The following ZNF529 variants were observed in gnomAD, a reference collection of about 807,000 sequenced individuals.
ZNF529 encodes zinc finger protein 529.
In ZNF529, 11 loss-of-function variants were observed where a neutral mutation model predicts 10.1. That is an observed-to-expected ratio of 1.09 (90% CI 0.69 to 1.81). ZNF529 has a LOEUF of 1.81. ZNF529 is among the 40% of genes most tolerant of loss of function. ZNF529 has a pLI of 0.00. For synonymous variants in ZNF529, 204 were observed against 215.7 expected, an observed-to-expected ratio of 0.95 and a Z score of 0.47; for missense variants, 624 against 666.8, an observed-to-expected ratio of 0.94 and a Z score of 0.71.
chr19:36,551,376 AAATCACCATAAGAAACATGGTATCAGT>A (rs1365679075), intron 4 of ZNF529, among the ~76,000 whole-genome samples: 1 of 152,204 alleles, frequency 6.6e-6, no homozygotes, highest in East Asian at 1.9e-4. Flanking sequence ...AAGCACACAG[AAATCACCATAAGAAACATGGTATCAGT>A]ATATCAAAAT....
chr19:36,594,606 A>C (rs1600369158), intron 1 of ZNF529: 1 of 152,538 alleles, frequency 6.6e-6, no homozygotes, highest in Non-Finnish European at 1.5e-5. Flanking sequence ...TCCGACTCCC[A>C]ACCTCCAAGC....
At chr19:36,600,206 A>C (rs1377886566) in intron 1 of ZNF529, among the ~76,000 whole-genome samples, 1 of 152,278 alleles carries the variant, frequency 6.6e-6, no homozygotes, top group African/African-American at 2.4e-5. Flanking sequence ...TCATCAATGT[A>C]CTGAGACATT....
At chr19:36,571,614 GC>G (rs2036113092) in intron 2 of ZNF529, among the ~76,000 whole-genome samples, 1 of 150,710 alleles carries the variant, frequency 6.6e-6, no homozygotes, top group Non-Finnish European at 1.5e-5. Flanking sequence ...GGCAGAGGTT[GC>G]AGTGAACTGA....
intron 4 of ZNF529, 117 bp downstream of exon 4, chr19:36,554,553 G>A: frequency 2.3e-6 from 2 of 878,198 alleles, no homozygotes. Flanking sequence ...ACTCCAACCT[G>A]GGTGACAGAG....
chr19:36,586,991 G>A (rs1265912502), intron 2 of ZNF529, among the ~76,000 whole-genome samples: 11 of 152,342 alleles, frequency 7.2e-5, no homozygotes, highest in East Asian at 3.9e-4. Flanking sequence ...GTGGCTGGGC[G>A]TGGTGGCTCA....
At chr19:36,573,613 G>A (rs570483952), upstream of ZNF529, 835 of 398,290 alleles carry the variant, frequency 2.1e-3, 3 homozygotes, top group Admixed American at 3.4e-3. Flanking sequence ...TGGGGGAGGT[G>A]GGGGGCCGCG....
At chr19:36,594,672 T>G (rs565361631) in intron 1 of ZNF529, 1 of 152,342 alleles carries the variant, frequency 6.6e-6, no homozygotes, top group East Asian at 1.9e-4. Flanking sequence ...TGCTCTAATA[T>G]GCAGATTCAT....
Position 36,556,192 on chromosome 19 carries a change from A to G in ZNF529, c.20T>C (p.Ile7Thr), listed in dbSNP as rs546079791. The change falls in exon 3 of 5, where the codon ATT becomes ACT. Residue 7 changes from isoleucine to threonine, a missense_variant. Physicochemically the swap from Ile to Thr is moderately conservative, Grantham distance 89. Coordinates refer to ENST00000591340, the MANE Select transcript of ZNF529 (RefSeq NM_020951.5). ...AGGAGCTCCATGGACATGATCCCCA[A>G]TGAAACTGTAAAAATTATTTTTTAA... MANSSF[I>T]GDHVHGAPHA... 4.1e-5 allele frequency: 45 copies of G among 1,107,136 alleles called. No individual in the cohort carries two copies. The highest frequency in any genetic ancestry group is 1.3e-4 in the South Asian group (10 of 75,110). The allele number at this position is 1,107,136 out of a possible 1,614,324, so 68.6% of individuals were successfully genotyped here.
chr19:36,555,893 T>G (rs2035450016), intron 3 of ZNF529, among the ~76,000 whole-genome samples: 1 of 152,156 alleles, frequency 6.6e-6, no homozygotes, highest in African/African-American at 2.4e-5. Context: ...TTGCTTTATA[T>G]CTGCTCTTGA....
intron 1 of ZNF529, among the ~76,000 whole-genome samples, chr19:36,590,400 T>C (rs749098004): frequency 2.6e-5 from 4 of 151,904 alleles, no homozygotes; most frequent in Non-Finnish European, 5.9e-5. Flanking sequence ...AATACATAAA[T>C]AAATAAAAAG....
chr19:36,578,168 G>A (rs1199781166), upstream of ZNF529, among the ~76,000 whole-genome samples: 3 of 143,880 alleles, frequency 2.1e-5, no homozygotes, highest in Admixed American at 7.1e-5. Flanking sequence ...AGGTTCAAGC[G>A]ATCCTCCTGC....
chr19:36,593,857 C>A (rs1482676016), intron 1 of ZNF529: 1 of 152,160 alleles, frequency 6.6e-6, no homozygotes, highest in Non-Finnish European at 1.5e-5. Flanking sequence ...AGCACTGAGA[C>A]CACAGAGGCA....
At chr19:36,567,833 C>CT (rs1216065233) in intron 2 of ZNF529, among the ~76,000 whole-genome samples, 1 of 152,072 alleles carries the variant, frequency 6.6e-6, no homozygotes, top group African/African-American at 2.4e-5. Context: ...AAACTAAAAG[C>CT]TTTTGTGCAT....
intron 1 of ZNF529, among the ~76,000 whole-genome samples, chr19:36,593,319 G>T: frequency 6.6e-6 from 1 of 152,096 alleles, no homozygotes; most frequent in East Asian, 1.9e-4. Flanking sequence ...GGGACTACAG[G>T]CATGCGCCAC....
chr19:36,587,340 A>G (rs941332977), intron 2 of ZNF529: 1 of 152,148 alleles, frequency 6.6e-6, no homozygotes, highest in African/African-American at 2.4e-5. Context: ...TACACCTACT[A>G]CGATGGCTAT....
chr19:36,593,150 T>C (rs1275494397), intron 1 of ZNF529, among the ~76,000 whole-genome samples: 2 of 152,144 alleles, frequency 1.3e-5, no homozygotes, highest in African/African-American at 4.8e-5. Flanking sequence ...ATGACTCAAG[T>C]ATTTACTTAA....
chr19:36,567,585 G>A (rs1478641490), intron 2 of ZNF529, among the ~76,000 whole-genome samples: 2 of 152,068 alleles, frequency 1.3e-5, no homozygotes, highest in Non-Finnish European at 2.9e-5. Context: ...GGGATTACAG[G>A]TGCCTGCCAC....
At chr19:36,555,326 G>T (rs2035426034) in intron 3 of ZNF529, among the ~76,000 whole-genome samples, 1 of 24,480 alleles carries the variant, frequency 4.1e-5, no homozygotes, top group Admixed American at 2.7e-4. Flanking sequence ...TCGCTCTGTC[G>T]CCCAGGCCGG....
intron 2 of ZNF529, among the ~76,000 whole-genome samples, chr19:36,586,091 C>T (rs2036573661): frequency 6.6e-6 from 1 of 152,168 alleles, no homozygotes; most frequent in African/African-American, 2.4e-5. Flanking sequence ...ACATTATATG[C>T]TGTTTATTAC....
Sources: gnomAD v4.1 joint callset for allele counts (sites outside exome capture counted in the v4.1 genomes callset) on GRCh38, gnomAD v4.1.1 for gene constraint, MANE v1.5 for transcripts, NCBI Gene and HGNC (gene_info 2026-07-23, HGNC 2026-07-21) for gene names.